IGF2R: variants seen among roughly 807,000 people sequenced by gnomAD.
IGF2R encodes insulin like growth factor 2 receptor.
In IGF2R, 91 loss-of-function variants were observed where a neutral mutation model predicts 270.6. The observed-to-expected ratio is 0.34, with a 90% CI of 0.28 to 0.40. The LOEUF (loss-of-function observed/expected upper bound fraction) is 0.40. Among genes scored for constraint, IGF2R ranks in the 10% least tolerant of loss-of-function variants. The pLI is 1.00. For synonymous variants in IGF2R, 1,316 were observed against 1,258.9 expected (o/e 1.05, Z -0.96); for missense variants, 2,805 against 3,188.3 (o/e 0.88, Z 2.90).
At chr6:160,066,385 G>A (rs757178909) in intron 29 of IGF2R, among the ~76,000 whole-genome samples, 9 of 151,930 alleles carry the variant, frequency 5.9e-5, no homozygotes, top group Non-Finnish European at 8.8e-5. Context: ...GCTGACTGCA[G>A]GTCATCCTCC....
chr6:160,071,050 T>C (rs1169402542), intron 31 of IGF2R, among the ~76,000 whole-genome samples: 1 of 151,550 alleles, frequency 6.6e-6, no homozygotes, highest in Non-Finnish European at 1.5e-5. Context: ...CCCAGAAGGC[T>C]GGGAGGGAAG....
chr6:159,969,875 G>A (rs1271892335), intron 1 of IGF2R, among the ~76,000 whole-genome samples: 1 of 152,190 alleles, frequency 6.6e-6, no homozygotes. Flanking sequence ...TGGTCCTGGA[G>A]TTGAGTGTTT....
At position 160,084,090 on chromosome 6, in the gene IGF2R, T is replaced by A. The variant is rs778980218; in HGVS notation, c.5974T>A (p.Leu1992Met). 2 of 1,613,958 alleles carry A rather than the reference T, an allele frequency of 1.2e-6. No homozygotes were observed. Among genetic ancestry groups the A allele is most frequent in the African/African-American group, 1.3e-5 (1 of 74,878 alleles). Residue 1992 changes from leucine (L) to methionine (M), a missense_variant, in exon 40 of 48, where the codon TTG (leucine) becomes ATG (methionine). Around this residue, in one of 2 missense-constraint regions of IGF2R, gnomAD observed 1,851 missense variants for 2,207.2 expected, o/e 0.84. Transcript: ENST00000356956. This position sits in a 1 kb window ranked among gnomAD's most constrained non-coding sequence, Gnocchi z 4.6. ...AAAAGTTGTCTGCCCTCCAAAGAAGTTGGAGTGCAAATTCGTCCAGAAACA... is the reference window on the plus strand; with the variant it reads ...AAAAGTTGTCTGCCCTCCAAAGAAGATGGAGTGCAAATTCGTCCAGAAACA... ...KTKVVCPPKK[L>M]ECKFVQKHKT...
At chr6:160,090,154 G>T in intron 44 of IGF2R, 51 bp downstream of exon 44, 1 of 1,339,278 alleles carries the variant, frequency 7.5e-7, no homozygotes, top group Non-Finnish European at 9.9e-7. Flanking sequence ...TCCAAGGAAG[G>T]GGATTAAAAT....
intron 19 of IGF2R, 130 bp from the exon 20 acceptor site, chr6:160,056,294 A>G (rs1235482946): frequency 1.5e-6 from 1 of 671,672 alleles, no homozygotes; most frequent in East Asian, 2.7e-5. Context: ...TTAAGTGCCT[A>G]GCTTATTGGC....
intron 1 of IGF2R, among the ~76,000 whole-genome samples, chr6:159,984,153 G>T (rs1783845412): frequency 6.6e-6 from 1 of 152,162 alleles, no homozygotes; most frequent in African/African-American, 2.4e-5. Flanking sequence ...CTGCCTTTAC[G>T]ATATAAGTAG....
intron 27 of IGF2R, 63 bp downstream of exon 27, chr6:160,063,693 T>C: frequency 3.1e-6 from 4 of 1,294,794 alleles, no homozygotes; most frequent in Non-Finnish European, 3.2e-6. Flanking sequence ...TAAAATATTT[T>C]GCTGAAGATG....
chr6:160,053,104 C>T (rs957873014), intron 19 of IGF2R, among the ~76,000 whole-genome samples: 2 of 152,108 alleles, frequency 1.3e-5, no homozygotes, highest in Non-Finnish European at 2.9e-5. Context: ...AACTAAAGAC[C>T]TTCTGCACGG....
chr6:159,984,943 A>G (rs1437143361), intron 1 of IGF2R, among the ~76,000 whole-genome samples: 1 of 152,220 alleles, frequency 6.6e-6, no homozygotes, highest in Non-Finnish European at 1.5e-5. Flanking sequence ...TTTATAAATT[A>G]AACTTAATCA....
chr6:160,108,587 G>T lies in IGF2R; in HGVS notation c.*3503G>T, dbSNP rs1173675573. The T allele has an allele frequency of 1.3e-5, 2 of 152,226 alleles. No homozygotes were observed. The highest frequency in any genetic ancestry group is 2.9e-5 in the Non-Finnish European group (2 of 68,054). The allele number at this position is 152,226 out of a possible 1,614,324, so 9.4% of individuals were successfully genotyped here. ...CTGCCTGCGAGGCTCTCTCTGGGAG[G>T]AAGTCAGGTCTTTCTTTCCTTCGTT... is the stretch of plus-strand genomic sequence containing the variant. On this transcript the variant is annotated 3_prime_UTR_variant, in exon 48 of 48. Coordinates refer to ENST00000356956, the MANE Select transcript of IGF2R (RefSeq NM_000876.4).
At chr6:159,977,366 G>A (rs2115168982) in intron 1 of IGF2R, among the ~76,000 whole-genome samples, 1 of 152,336 alleles carries the variant, frequency 6.6e-6, no homozygotes, top group South Asian at 2.1e-4. Flanking sequence ...GGGTAGGGCT[G>A]GGAGCAGTTG....
rs114314690 is a variant in IGF2R, at chr6:160,085,871, A to T, written c.6205+740A>T. Among the ~76,000 whole-genome samples, 923 of 152,308 alleles carry T rather than the reference A, an allele frequency of 6.1e-3. 6 individuals carry two copies. The highest frequency in any genetic ancestry group is 0.021 in the African/African-American group (882 of 41,560). ...TGGTAGGTGGAGGGAGAGCTGCCAT[A>T]CAGGAAGTGGCGCCCAGACCGCCAG... is the stretch of plus-strand genomic sequence containing the variant. On this transcript the variant is annotated intron_variant, in intron 41 of 47. Transcript: ENST00000356956.
At position 160,050,376 on chromosome 6, in the gene IGF2R, C is replaced by T; in HGVS notation, c.2515-97C>T. 8.2e-7 allele frequency: 1 copy of T among 1,213,552 alleles called. No individual in the cohort carries two copies. The highest frequency in any genetic ancestry group is 2.4e-5 in the East Asian group (1 of 42,010). The allele number at this position is 1,213,552 out of a possible 1,614,324, so 75.2% of individuals were successfully genotyped here. ...AGCAGTGGTTCTGTATTCAATAATT[C>T]ATTGTTTGCTGCAGCTTTATAGAAT... On this transcript the variant is annotated intron_variant, in intron 18 of 47. Coordinates refer to ENST00000356956, the MANE Select transcript of IGF2R (RefSeq NM_000876.4). This position sits in a 1 kb window ranked among gnomAD's most constrained non-coding sequence, Gnocchi z 4.0.
intron 32 of IGF2R, 47 bp from the exon 33 acceptor site, chr6:160,072,718 C>G: frequency 6.2e-7 from 1 of 1,613,226 alleles, no homozygotes; most frequent in Non-Finnish European, 8.5e-7. Flanking sequence ...CCTCCCAAGT[C>G]TCAGCTCCCT....
At chr6:160,064,303 T>C (rs2115265188) in intron 27 of IGF2R, 98 bp from the exon 28 acceptor site, 1 of 1,361,774 alleles carries the variant, frequency 7.3e-7, no homozygotes, top group South Asian at 1.2e-5. Flanking sequence ...ATACTTTGTC[T>C]CACACTCTTC....
chr6:160,062,662 AG>A (rs1399374954), intron 26 of IGF2R, 43 bp downstream of exon 26: 1 of 1,408,332 alleles, frequency 7.1e-7, no homozygotes, highest in Non-Finnish European at 1.0e-6. Context: ...AAATGTATAG[AG>A]TAGCAGACGT....
In IGF2R at chr6:160,089,198, A is replaced by T. The variant is rs1779164268; in HGVS notation, c.6412A>T (p.Thr2138Ser). 5 of 1,613,284 alleles carry T rather than the reference A, an allele frequency of 3.1e-6. No individual in the cohort carries two copies. The highest frequency in any genetic ancestry group is 4.2e-6 in the Non-Finnish European group (5 of 1,179,358). The change falls in exon 43 of 48, where the codon ACC becomes TCC. Residue 2138 changes from threonine (T) to serine (S), a missense_variant. Thr to Ser is a moderately conservative substitution (Grantham distance 58, BLOSUM62 1). Around this residue, in one of 2 missense-constraint regions of IGF2R, gnomAD observed 1,851 missense variants for 2,207.2 expected, o/e 0.84. Coordinates refer to ENST00000356956, the MANE Select transcript of IGF2R (RefSeq NM_000876.4). ...KPQEVQMVNG[T>S]ITNPINGKSF... is the part of the protein sequence containing the mutation. ...TCAGGAGGTGCAGATGGTGAATGGG[A>T]CCATCACCAACCCTATAAATGGCAA...
chr6:159,980,208 A>AAGAAAGGAAGAAAGG lies in IGF2R; in HGVS notation c.149+10814_149+10815insGAAAGGAAGAAAGGA, dbSNP rs1562330501. Among the ~76,000 whole-genome samples the AAGAAAGGAAGAAAGG allele has an allele frequency of 2.0e-4, 18 of 90,630 alleles. 1 individual carries two copies. The highest frequency in any genetic ancestry group is 8.2e-4 in the African/African-American group (18 of 21,958). 59.5% of individuals were successfully genotyped at this position (90,630 alleles called of 152,430 possible). A position where few individuals can be genotyped will look rare whatever the true frequency, so the allele number is the denominator to read the frequency against. The stretch of plus-strand genomic sequence containing the variant: ...AAAAGAAAGAAAGAAAGAAAGAAAG[A>AAGAAAGGAAGAAAGG]AAGAAAGAAAGAAAGAAAGAAAGAA... On this transcript the variant is annotated intron_variant, in intron 1 of 47. Coordinates refer to ENST00000356956, the MANE Select transcript of IGF2R (RefSeq NM_000876.4).
chr6:160,035,711 G>A (rs527272406), intron 10 of IGF2R, among the ~76,000 whole-genome samples: 1 of 152,340 alleles, frequency 6.6e-6, no homozygotes, highest in East Asian at 1.9e-4. Context: ...AGGGTGTTGT[G>A]AGGATAGATG....
Sources: allele counts gnomAD v4.1 joint callset (sites outside exome capture counted in the v4.1 genomes callset), GRCh38; gene constraint gnomAD v4.1.1; regional missense constraint gnomAD v4.1.1; non-coding constraint Gnocchi (gnomAD v3.1); transcripts MANE v1.5; gene names NCBI Gene and HGNC (gene_info 2026-07-23, HGNC 2026-07-21).